The following JAZF1 variants were observed in gnomAD, a reference collection of about 807,000 sequenced individuals.
JAZF1 encodes the protein JAZF zinc finger 1, also known as juxtaposed with another zinc finger protein 1.
In JAZF1, 8 loss-of-function variants were observed where a neutral mutation model predicts 26.4. The ratio of observed to expected loss-of-function variants is 0.30; its 90% CI spans 0.18 to 0.55. The LOEUF (loss-of-function observed/expected upper bound fraction) is 0.55, where lower values mean the gene tolerates loss of function less well. Ranked by LOEUF, JAZF1 falls within the 20% of genes least tolerant of loss-of-function variation. The probability of loss-of-function intolerance (pLI) is 0.94; values close to 1 mark genes in which losing one functional copy is unlikely to be tolerated. For synonymous variants in JAZF1, 126 were observed against 122.3 expected, an observed-to-expected ratio of 1.03 and a Z score of -0.20; for missense variants, 199 against 322.0, an observed-to-expected ratio of 0.62 and a Z score of 2.92.
rs564277972 is a variant in JAZF1 at position 27,881,564 on chromosome 7, G to A, written c.385+13656C>T. On this transcript the variant is annotated intron_variant, in intron 3 of 4. Coordinates refer to ENST00000283928, the MANE Select transcript of JAZF1 (RefSeq NM_175061.4). ...AGACTTTCAACACAATAATGGTCCA[G>A]AACTTGGTGGAATATTAGAAAGTAA... 2.0e-5 allele frequency among the ~76,000 whole-genome samples: 3 copies of A among 152,222 alleles called. No individual in the cohort carries two copies. The East Asian group carries it at 5.8e-4, about 29-fold the overall frequency.
intron 2 of JAZF1, among the ~76,000 whole-genome samples, chr7:27,966,356 T>C (rs1334275748): frequency 6.6e-6 from 1 of 152,188 alleles, no homozygotes; most frequent in Non-Finnish European, 1.5e-5. Flanking sequence ...TTATTACAAA[T>C]AGAGAAATGA....
chr7:27,894,917 T>C (rs1022452617), intron 3 of JAZF1, among the ~76,000 whole-genome samples: 1 of 152,208 alleles, frequency 6.6e-6, no homozygotes, highest in Admixed American at 6.5e-5. Context: ...AATCGGGTGA[T>C]GAAATATGTA....
At chr7:28,021,289 G>A (rs925213429) in intron 1 of JAZF1, among the ~76,000 whole-genome samples, 4 of 152,182 alleles carry the variant, frequency 2.6e-5, no homozygotes, top group Admixed American at 2.0e-4. Flanking sequence ...TATAGCAGGT[G>A]GTTAGAGTCA....
chr7:27,974,081 A>G (rs1303504155), intron 2 of JAZF1, among the ~76,000 whole-genome samples: 2 of 152,184 alleles, frequency 1.3e-5, no homozygotes, highest in East Asian at 3.8e-4. Flanking sequence ...AGGTGCCATT[A>G]AACATAGTAT....
At position 27,998,062 on chromosome 7, in the gene JAZF1, G is replaced by GC. The variant is rs1320391560; in HGVS notation, c.116-6082_116-6081insG. ...GGAAGGAAGGAAGGAAGGAAGGAAG[G>GC]AAGGAAGGAAGGCAGGCAGGCAGGC... On this transcript the variant is annotated intron_variant, in intron 1 of 4. Coordinates refer to ENST00000283928, the MANE Select transcript of JAZF1 (RefSeq NM_175061.4). 4.1e-4 allele frequency among the ~76,000 whole-genome samples: 60 copies of GC among 148,106 alleles called. 1 individual carries two copies. The highest frequency in any genetic ancestry group is 3.4e-3 in the Middle Eastern group (1 of 294).
intron 1 of JAZF1, among the ~76,000 whole-genome samples, chr7:28,118,659 T>A (rs1238067151): frequency 6.6e-6 from 1 of 152,166 alleles, no homozygotes; most frequent in Non-Finnish European, 1.5e-5. Flanking sequence ...TAATTTTCCA[T>A]ATTAACATTC....
At chr7:28,048,658 T>C (rs959081831) in intron 1 of JAZF1, among the ~76,000 whole-genome samples, 12 of 152,214 alleles carry the variant, frequency 7.9e-5, no homozygotes, top group Admixed American at 5.2e-4. Flanking sequence ...TGATTTCTTC[T>C]TTCACTGAAG....
chr7:28,052,443 G>A (rs1178506429), intron 1 of JAZF1, among the ~76,000 whole-genome samples: 1 of 152,126 alleles, frequency 6.6e-6, no homozygotes, highest in Non-Finnish European at 1.5e-5. Flanking sequence ...ACTTTTGGAA[G>A]AAAGCAATCC....
At chr7:28,032,412 G>A (rs1783207828) in intron 1 of JAZF1, among the ~76,000 whole-genome samples, 1 of 152,106 alleles carries the variant, frequency 6.6e-6, no homozygotes, top group African/African-American at 2.4e-5. Context: ...ACTCACAGAG[G>A]ATAAATACAT....
intron 3 of JAZF1, among the ~76,000 whole-genome samples, chr7:27,853,404 G>A (rs755709534): frequency 6.6e-6 from 1 of 152,114 alleles, no homozygotes; most frequent in African/African-American, 2.4e-5. Context: ...CCAGGGCTGT[G>A]CACGTGAGGT....
chr7:28,018,833 C>T (rs1407062129), intron 1 of JAZF1, among the ~76,000 whole-genome samples: 1 of 152,188 alleles, frequency 6.6e-6, no homozygotes, highest in African/African-American at 2.4e-5. Context: ...ATGTATTCCA[C>T]ATTTTACAGC....
chr7:27,988,192 G>GA (rs35744633), intron 2 of JAZF1, among the ~76,000 whole-genome samples: 42 of 143,884 alleles, frequency 2.9e-4, no homozygotes, highest in African/African-American at 3.6e-4. Flanking sequence ...AATAAATACT[G>GA]AAAAAAAAAA....
At chr7:27,982,243 T>TA (rs1785600861) in intron 2 of JAZF1, among the ~76,000 whole-genome samples, 3 of 152,104 alleles carry the variant, frequency 2.0e-5, no homozygotes, top group African/African-American at 7.2e-5. Flanking sequence ...ATCGGGACAC[T>TA]CCCATCCTAA....
At chr7:28,131,047 T>C (rs1003302072) in intron 1 of JAZF1, among the ~76,000 whole-genome samples, 1 of 152,210 alleles carries the variant, frequency 6.6e-6, no homozygotes, top group Admixed American at 6.5e-5. Flanking sequence ...GAGCTTATCA[T>C]CACCATTACC....
chr7:27,954,685 C>T, intron 2 of JAZF1, among the ~76,000 whole-genome samples: 1 of 152,192 alleles, frequency 6.6e-6, no homozygotes, highest in Non-Finnish European at 1.5e-5. Context: ...GAGGGCAAGG[C>T]AGCATGTCAC....
chr7:28,084,444 C>A (rs539421833), intron 1 of JAZF1, among the ~76,000 whole-genome samples: 1 of 152,212 alleles, frequency 6.6e-6, no homozygotes, highest in East Asian at 1.9e-4. Flanking sequence ...TGAACTCCCA[C>A]TTCAAAATTT....
Position 27,918,784 on chromosome 7 carries a change from C to T in JAZF1, c.189-23368G>A, listed in dbSNP as rs1181860123. On this transcript the variant is annotated intron_variant, in intron 2 of 4. Transcript: ENST00000283928. ...TACATGTCCTGTTCACTCCCTCTTT[C>T]CAAAATGAATTAAGGAGAAGAGAAA... Among the ~76,000 whole-genome samples the T allele has an allele frequency of 4.6e-5, 7 of 151,672 alleles. No individual in the cohort carries two copies. The East Asian group carries it at 1.4e-3, about 29-fold the overall frequency.
chr7:28,061,832 A>G (rs1435873885), intron 1 of JAZF1, among the ~76,000 whole-genome samples: 2 of 152,254 alleles, frequency 1.3e-5, no homozygotes, highest in Non-Finnish European at 2.9e-5. Flanking sequence ...CTTGATTTTA[A>G]TATGTGAACA....
chr7:28,125,929 G>GGCC (rs1324133178), intron 1 of JAZF1, among the ~76,000 whole-genome samples: 1 of 152,156 alleles, frequency 6.6e-6, no homozygotes, highest in Non-Finnish European at 1.5e-5. Flanking sequence ...CCAAGACCAA[G>GGCC]GTTGGTCTCA....
Sources: allele counts gnomAD v4.1 joint callset (sites outside exome capture counted in the v4.1 genomes callset), GRCh38; gene constraint gnomAD v4.1.1; transcripts MANE v1.5; gene names NCBI Gene and HGNC (gene_info 2026-07-23, HGNC 2026-07-21).